KIF26B: variants seen among roughly 807,000 people sequenced by gnomAD.
KIF26B encodes kinesin-like protein KIF26B.
A neutral mutation model predicts 151.2 loss-of-function variants in KIF26B; 63 were observed. That is an observed-to-expected ratio of 0.42 (90% confidence interval 0.34 to 0.51). The LOEUF is 0.51. Ranked by LOEUF, KIF26B falls within the 20% of genes least tolerant of loss-of-function variation. The pLI is 0.07. For missense variants in KIF26B, 2,813 were observed against 2,913.6 expected, an observed-to-expected ratio of 0.97 and a Z score of 0.79; for synonymous variants, 1,357 against 1,262.1, an observed-to-expected ratio of 1.08 and a Z score of -1.59.
At chr1:245,193,978 T>C (rs1382373657) in intron 2 of KIF26B, among the ~76,000 whole-genome samples, 1 of 152,206 alleles carries the variant, frequency 6.6e-6, no homozygotes, top group African/African-American at 2.4e-5. Context: ...GAAAGTTTCT[T>C]TTTGCTGCTG....
chr1:245,698,454 C>T lies in KIF26B; in HGVS notation c.6027+146C>T. The T allele has an allele frequency of 1.4e-6, 1 of 705,940 alleles. No individual in the cohort carries two copies. The highest frequency in any genetic ancestry group is 2.3e-6 in the Non-Finnish European group (1 of 428,712). The allele number at this position is 705,940 out of a possible 1,614,324, so 43.7% of individuals were successfully genotyped here. A position where few individuals can be genotyped will look rare whatever the true frequency, so the allele number is the denominator to read the frequency against. On this transcript the variant is annotated intron_variant, in intron 13 of 14. Transcript: ENST00000407071. The surrounding 1 kb of genome is among the most constrained non-coding windows in gnomAD (Gnocchi z 4.0). ...GGCATGGGTGGTGGGAAGGGGGCTT[C>T]TGTCCCAGCAAAGGGCCTTTGGACA... is the stretch of plus-strand genomic sequence containing the variant.
intron 9 of KIF26B, among the ~76,000 whole-genome samples, chr1:245,622,490 C>T (rs563058783): frequency 3.3e-5 from 5 of 152,324 alleles, no homozygotes; most frequent in Non-Finnish European, 4.4e-5. Context: ...CTTCTGCAGA[C>T]GCGTGGATGC....
chr1:245,388,357 T>G (rs1401562742), intron 3 of KIF26B, among the ~76,000 whole-genome samples: 1 of 152,218 alleles, frequency 6.6e-6, no homozygotes, highest in East Asian at 1.9e-4. Flanking sequence ...TGATGAAAAG[T>G]GAAACTAAAG....
intron 4 of KIF26B, among the ~76,000 whole-genome samples, chr1:245,529,245 G>A (rs544934210): frequency 6.6e-6 from 1 of 152,274 alleles, no homozygotes; most frequent in South Asian, 2.1e-4. Flanking sequence ...GCTGTATAAT[G>A]AGCCGAGAGG....
intron 4 of KIF26B, among the ~76,000 whole-genome samples, chr1:245,498,558 A>C (rs1337687959): frequency 6.6e-6 from 1 of 152,158 alleles, no homozygotes; most frequent in Non-Finnish European, 1.5e-5. Flanking sequence ...CATTTCTTCC[A>C]AGCTGTGTCA....
At chr1:245,590,391 A>C (rs958558183) in intron 5 of KIF26B, among the ~76,000 whole-genome samples, 1 of 152,248 alleles carries the variant, frequency 6.6e-6, no homozygotes, top group Admixed American at 6.5e-5. Flanking sequence ...ACATCTAAAA[A>C]AATTCTAATT....
intron 5 of KIF26B, among the ~76,000 whole-genome samples, chr1:245,543,905 G>A (rs908275595): frequency 2.6e-5 from 4 of 152,078 alleles, no homozygotes; most frequent in African/African-American, 7.2e-5. Flanking sequence ...CAGAGATCGC[G>A]CCACTGTACT....
chr1:245,336,683 T>C (rs969320479), intron 2 of KIF26B, among the ~76,000 whole-genome samples: 1 of 152,216 alleles, frequency 6.6e-6, no homozygotes, highest in African/African-American at 2.4e-5. Context: ...TTCCTATACA[T>C]ACCTTCCGTA....
chr1:245,332,057 T>C (rs1001659869), intron 2 of KIF26B, among the ~76,000 whole-genome samples: 5 of 152,018 alleles, frequency 3.3e-5, no homozygotes, highest in African/African-American at 4.8e-5. Flanking sequence ...ATGCAGGAAA[T>C]AGAGATTGCA....
chr1:245,489,910 T>C (rs1300452921), intron 4 of KIF26B, among the ~76,000 whole-genome samples: 1 of 152,254 alleles, frequency 6.6e-6, no homozygotes, highest in African/African-American at 2.4e-5. Flanking sequence ...TTAAGGTAGA[T>C]ATTGTTAATA....
rs1267184532 is a variant in KIF26B, at chr1:245,495,039, G to A, written c.1167-45728G>A. ...AGATCCTGTCTCACAAAAGAGAAAA[G>A]AAAAGAAAAGAAATAAAGAAAAGAA... On this transcript the variant is annotated intron_variant, in intron 4 of 14. Transcript: ENST00000407071. This position sits in a 1 kb window ranked among gnomAD's most constrained non-coding sequence, Gnocchi z 4.2. Among the ~76,000 whole-genome samples, 4 of 151,580 alleles carry A rather than the reference G, an allele frequency of 2.6e-5. No individual in the cohort carries two copies. The highest frequency in any genetic ancestry group is 5.9e-5 in the Non-Finnish European group (4 of 67,912).
intron 2 of KIF26B, among the ~76,000 whole-genome samples, chr1:245,238,149 A>G (rs1670148656): frequency 1.3e-5 from 2 of 152,202 alleles, no homozygotes; most frequent in Admixed American, 6.5e-5. Flanking sequence ...ACTGACCAAC[A>G]TGGTGAGACC....
chr1:245,509,193 TAGAATGAGAA>T (rs1324579762), intron 4 of KIF26B, among the ~76,000 whole-genome samples: 1 of 152,212 alleles, frequency 6.6e-6, no homozygotes, highest in Non-Finnish European at 1.5e-5. Context: ...CTCATCATCC[TAGAATGAGAA>T]AGAGAGAAAC....
intron 11 of KIF26B, 145 bp downstream of exon 11, chr1:245,684,540 G>A (rs1426561373): frequency 2.3e-6 from 2 of 860,932 alleles, no homozygotes; most frequent in East Asian, 2.7e-5. Context: ...CGTGGCTCAG[G>A]GTCCACTTTG....
chr1:245,169,350 T>TGTGTGG (rs1573684733), intron 2 of KIF26B, among the ~76,000 whole-genome samples: 2 of 151,984 alleles, frequency 1.3e-5, no homozygotes, highest in East Asian at 3.9e-4. Context: ...TGTGTGTGTG[T>TGTGTGG]GTGTGTGTGT....
At chr1:245,383,357 G>T (rs779997766) in intron 3 of KIF26B, among the ~76,000 whole-genome samples, 30 of 152,102 alleles carry the variant, frequency 2.0e-4, no homozygotes, top group Admixed American at 1.4e-3. Flanking sequence ...TGTGTTTTTA[G>T]CAGTAATCTC....
intron 2 of KIF26B, among the ~76,000 whole-genome samples, chr1:245,213,458 C>G (rs1452306698): frequency 6.6e-6 from 1 of 152,188 alleles, no homozygotes; most frequent in African/African-American, 2.4e-5. Flanking sequence ...ATCAGCAAAC[C>G]CTTAACTCCC....
At chr1:245,176,882 G>C (rs1045890619) in intron 2 of KIF26B, among the ~76,000 whole-genome samples, 1 of 152,220 alleles carries the variant, frequency 6.6e-6, no homozygotes, top group Non-Finnish European at 1.5e-5. Context: ...CTTACTGGTA[G>C]CCTTGGCCAG....
chr1:245,405,088 A>G (rs1674102438), intron 3 of KIF26B, among the ~76,000 whole-genome samples: 1 of 152,238 alleles, frequency 6.6e-6, no homozygotes, highest in Admixed American at 6.5e-5. Flanking sequence ...CAGTTTAGAA[A>G]ACCATCAGAT....
Sources: allele counts gnomAD v4.1 joint callset (sites outside exome capture counted in the v4.1 genomes callset), GRCh38; gene constraint gnomAD v4.1.1; non-coding constraint Gnocchi (gnomAD v3.1); transcripts MANE v1.5; gene names NCBI Gene and HGNC (gene_info 2026-07-23, HGNC 2026-07-21).